Variants in RALGPS1 observed in about 807,000 individuals in gnomAD.
RALGPS1 encodes the protein ras-specific guanine nucleotide-releasing factor RalGPS1.
A neutral mutation model predicts 78.8 loss-of-function variants in RALGPS1; 19 were observed. That is an observed-to-expected ratio of 0.24 (90% CI 0.17 to 0.35). The LOEUF is 0.35. RALGPS1 is among the 10% of genes least tolerant of loss of function. The pLI is 1.00. For missense variants in RALGPS1, 454 were observed against 688.3 expected (o/e 0.66, Z 3.81); for synonymous variants, 228 against 256.3 (o/e 0.89, Z 1.06).
At chr9:127,037,106 C>G (rs1213402038) in intron 5 of RALGPS1, among the ~76,000 whole-genome samples, 1 of 152,122 alleles carries the variant, frequency 6.6e-6, no homozygotes, top group African/African-American at 2.4e-5. Context: ...TTTTTGAAGA[C>G]TAAACAAGAA....
intron 11 of RALGPS1, 60 bp from the exon 12 acceptor site, chr9:127,195,031 G>A (rs1207125888): frequency 1.4e-5 from 22 of 1,593,938 alleles, no homozygotes; most frequent in African/African-American, 2.7e-5. Context: ...AACCCAGCCT[G>A]TGCAGCCCCT....
At chr9:126,969,930 C>T (rs1048311999) in intron 3 of RALGPS1, among the ~76,000 whole-genome samples, 1 of 152,182 alleles carries the variant, frequency 6.6e-6, no homozygotes, top group East Asian at 1.9e-4. Context: ...ACATGTGAAA[C>T]CAGGTCTCTG....
chr9:127,071,713 T>C (rs1199142152), intron 8 of RALGPS1, among the ~76,000 whole-genome samples: 1 of 152,232 alleles, frequency 6.6e-6, no homozygotes, highest in African/African-American at 2.4e-5. Flanking sequence ...CTTTAAATAC[T>C]CCCTATAGTT....
At chr9:127,052,617 C>T (rs568679723) in intron 6 of RALGPS1, among the ~76,000 whole-genome samples, 4 of 152,320 alleles carry the variant, frequency 2.6e-5, no homozygotes, top group Admixed American at 1.3e-4. Flanking sequence ...CCCCGTGCCA[C>T]GTTTCTGTCC....
intron 18 of RALGPS1, chr9:127,216,874 A>G: frequency 6.6e-7 from 1 of 1,517,448 alleles, no homozygotes; most frequent in Non-Finnish European, 8.8e-7. Context: ...TCTTAAGAGC[A>G]TAGCACACTG....
At chr9:126,915,914 G>C (rs2034111182) in intron 1 of RALGPS1, among the ~76,000 whole-genome samples, 1 of 152,088 alleles carries the variant, frequency 6.6e-6, no homozygotes. Context: ...TCAGCAGTGC[G>C]TCTCAAAAAG....
intron 8 of RALGPS1, among the ~76,000 whole-genome samples, chr9:127,085,532 A>G (rs575112290): frequency 6.6e-6 from 1 of 151,996 alleles, no homozygotes; most frequent in African/African-American, 2.4e-5. Context: ...ACTGACCCCT[A>G]CCTTTCATTT....
chr9:127,112,277 C>A (rs1030112270), intron 8 of RALGPS1, among the ~76,000 whole-genome samples: 1 of 152,196 alleles, frequency 6.6e-6, no homozygotes, highest in Admixed American at 6.5e-5. Flanking sequence ...TCGTTTCCAA[C>A]GGTGCTTTGG....
At chr9:126,950,298 C>T (rs1365033790) in intron 1 of RALGPS1, among the ~76,000 whole-genome samples, 1 of 152,172 alleles carries the variant, frequency 6.6e-6, no homozygotes, top group East Asian at 1.9e-4. Context: ...GCGATGTGGG[C>T]TCTTTTTTGG....
At chr9:127,087,605 G>C (rs1269648772) in intron 8 of RALGPS1, 1 of 152,430 alleles carries the variant, frequency 6.6e-6, no homozygotes, top group African/African-American at 2.4e-5. Context: ...AATAGTCCCG[G>C]GAGTGCTGAG....
intron 18 of RALGPS1, chr9:127,217,331 GACA>G: frequency 5.8e-6 from 6 of 1,025,914 alleles, no homozygotes; most frequent in Non-Finnish European, 7.0e-6. Context: ...ATAAAAAGTT[GACA>G]ACAACTGAAA....
chr9:126,955,128 C>G lies in RALGPS1; in HGVS notation c.-65-7097C>G, dbSNP rs542768263. On this transcript the variant is annotated intron_variant, in intron 1 of 18. Transcript: ENST00000259351. ...CTTCCTTGACCATCCTGGCAAATAT[C>G]ATCTTTCACCCTATTTCATTTCTTT... Among the ~76,000 whole-genome samples the G allele has an allele frequency of 6.2e-4, 95 of 152,356 alleles. 2 individuals are homozygous for G. The highest frequency in any genetic ancestry group is 2.3e-3 in the African/African-American group (94 of 41,588).
intron 1 of RALGPS1, among the ~76,000 whole-genome samples, chr9:126,942,488 C>T (rs1311712699): frequency 2.6e-5 from 4 of 152,158 alleles, no homozygotes; most frequent in Admixed American, 2.6e-4. Flanking sequence ...TCTATCTTCT[C>T]CACTGTTTGA....
chr9:126,940,246 TGTC>T (rs1048433571), intron 1 of RALGPS1, among the ~76,000 whole-genome samples: 1 of 152,092 alleles, frequency 6.6e-6, no homozygotes, highest in African/African-American at 2.4e-5. Context: ...TACATTCAGA[TGTC>T]GTGTTGGACT....
intron 8 of RALGPS1, among the ~76,000 whole-genome samples, chr9:127,129,311 A>AG (rs879604406): frequency 4.6e-5 from 7 of 152,130 alleles, no homozygotes; most frequent in Non-Finnish European, 8.8e-5. Context: ...CACTTTCCAA[A>AG]GCTGTTTAAA....
At chr9:126,986,668 G>A (rs1240268964) in intron 4 of RALGPS1, among the ~76,000 whole-genome samples, 1 of 152,208 alleles carries the variant, frequency 6.6e-6, no homozygotes, top group African/African-American at 2.4e-5. Flanking sequence ...GCATGGAGCA[G>A]CATCAAGGGG....
At chr9:127,054,787 T>C (rs1490455410) in intron 7 of RALGPS1, among the ~76,000 whole-genome samples, 1 of 152,136 alleles carries the variant, frequency 6.6e-6, no homozygotes, top group East Asian at 1.9e-4. Context: ...GAGACCAGCC[T>C]AGACAACATA....
At chr9:127,056,674 A>G (rs1437738343) in intron 7 of RALGPS1, among the ~76,000 whole-genome samples, 2 of 152,168 alleles carry the variant, frequency 1.3e-5, no homozygotes, top group Non-Finnish European at 2.9e-5. Context: ...AGGGTGGAGC[A>G]TGCACCGACT....
Position 127,029,469 on chromosome 9 carries a change from G to A in RALGPS1, c.217-4962G>A, listed in dbSNP as rs1250425270. 2.0e-5 allele frequency among the ~76,000 whole-genome samples: 3 copies of A among 152,200 alleles called. No homozygotes were observed. The East Asian group carries it at 5.8e-4, about 29-fold the overall frequency. ...TTCCTTCCTGTGAGAGGGTAGGATG[G>A]GAAGAGTGGGAGAAACATGGAGGGA... On this transcript the variant is annotated intron_variant, in intron 4 of 18. Transcript: ENST00000259351.
Sources: allele counts gnomAD v4.1 joint callset (sites outside exome capture counted in the v4.1 genomes callset), GRCh38; gene constraint gnomAD v4.1.1; transcripts MANE v1.5; gene names NCBI Gene and HGNC (gene_info 2026-07-23, HGNC 2026-07-21).